Variants in NR4A3 observed in about 807,000 individuals in gnomAD.
The protein encoded by NR4A3 is chondrosarcoma, extraskeletal myxoid, fused to EWS.
A neutral mutation model predicts 55.6 loss-of-function variants in NR4A3; 13 were observed. That is an observed-to-expected ratio of 0.23 (90% CI 0.15 to 0.37). NR4A3 has a LOEUF of 0.37. Ranked by LOEUF, NR4A3 falls within the 10% of genes least tolerant of loss-of-function variation. NR4A3 has a pLI of 1.00. For synonymous variants in NR4A3, 342 were observed against 357.9 expected, an observed-to-expected ratio of 0.96 and a Z score of 0.50; for missense variants, 646 against 822.8, an observed-to-expected ratio of 0.79 and a Z score of 2.63.
Position 99,863,952 on chromosome 9 carries a change from T to G in NR4A3, c.*85T>G, listed in dbSNP as rs1312013686. Reference sequence around the variant, plus strand: ...AGGGATAGGTTTGGAAACCTATCATTTCCTGTCCTTCCTTAAGAGGAAAAG... The same window carrying G: ...AGGGATAGGTTTGGAAACCTATCATGTCCTGTCCTTCCTTAAGAGGAAAAG... On this transcript the variant is annotated 3_prime_UTR_variant, in exon 8 of 8. Coordinates refer to ENST00000395097, the MANE Select transcript of NR4A3 (RefSeq NM_006981.4). The G allele has an allele frequency of 7.0e-7, 1 of 1,432,130 alleles. No individual in the cohort carries two copies. Among genetic ancestry groups the G allele is most frequent in the Admixed American group, 2.2e-5 (1 of 44,528 alleles). The allele number at this position is 1,432,130 out of a possible 1,614,324, so 88.7% of individuals were successfully genotyped here.
chr9:99,842,649 G>C lies in NR4A3; in HGVS notation c.1255-2000G>C, dbSNP rs535323547. Reference sequence around the variant, plus strand: ...GGGAGGCTGAGGCACGGAATCGCTTGAACCCAGGAGGTGGAGGTTTCAGTG... The same window carrying C: ...GGGAGGCTGAGGCACGGAATCGCTTCAACCCAGGAGGTGGAGGTTTCAGTG... On this transcript the variant is annotated intron_variant, in intron 5 of 7. Transcript: ENST00000395097. 1.8e-3 allele frequency among the ~76,000 whole-genome samples: 267 copies of C among 152,080 alleles called. 1 individual carries two copies. Among genetic ancestry groups the C allele is most frequent in the Non-Finnish European group, 3.1e-3 (208 of 67,994 alleles).
chr9:99,858,507 C>T (rs1488004085), intron 7 of NR4A3, among the ~76,000 whole-genome samples: 1 of 152,224 alleles, frequency 6.6e-6, no homozygotes, highest in African/African-American at 2.4e-5. Flanking sequence ...GTGGTTATAA[C>T]ATCGCTTGCC....
In NR4A3 at chr9:99,822,745, TCGG is replaced by T. The variant is rs538379255; in HGVS notation, c.-177+358_-177+360del. ...TCTAGTTGTCATGGTAATGATGCTC[TCGG>T]CGGCGGCGGCGGCGGCGGCAGCGGC... is the stretch of plus-strand genomic sequence containing the variant. On this transcript the variant is annotated intron_variant, in intron 1 of 7. Coordinates refer to ENST00000395097, the MANE Select transcript of NR4A3 (RefSeq NM_006981.4). The surrounding 1 kb of genome is among the most constrained non-coding windows in gnomAD (Gnocchi z 4.9). Among the ~76,000 whole-genome samples, 3 of 152,080 alleles carry T rather than the reference TCGG, an allele frequency of 2.0e-5. No homozygotes were observed. Among genetic ancestry groups the T allele is most frequent in the African/African-American group, 7.2e-5 (3 of 41,494 alleles).
At chr9:99,836,729 A>C (rs1256878206) in intron 5 of NR4A3, among the ~76,000 whole-genome samples, 2 of 152,252 alleles carry the variant, frequency 1.3e-5, no homozygotes, top group African/African-American at 4.8e-5. Context: ...GTGTGAGTTC[A>C]TCAACACAGG....
At chr9:99,846,086 A>T (rs1374973866) in intron 6 of NR4A3, among the ~76,000 whole-genome samples, 1 of 152,228 alleles carries the variant, frequency 6.6e-6, no homozygotes, top group African/African-American at 2.4e-5. Context: ...TGCTCAGTAG[A>T]CACTTGGCTG....
At chr9:99,856,092 G>A (rs186530964) in intron 7 of NR4A3, among the ~76,000 whole-genome samples, 172 of 152,198 alleles carry the variant, frequency 1.1e-3, no homozygotes, top group Middle Eastern at 6.8e-3. Flanking sequence ...GACTGGGGTC[G>A]GAGGAATGGT....
chr9:99,827,891 T>G lies in NR4A3; in HGVS notation c.-2-150T>G, dbSNP rs1206833141. 9.9e-6 allele frequency: 10 copies of G among 1,011,022 alleles called. No individual in the cohort carries two copies. In the East Asian group the frequency reaches 1.8e-4, roughly 18 times the overall value. 62.6% of individuals were successfully genotyped at this position (1,011,022 alleles called of 1,614,324 possible). A position where few individuals can be genotyped will look rare whatever the true frequency, so the allele number is the denominator to read the frequency against. ...TTACTAGGGATGAAGAAAATAAGTG[T>G]GGGGCTTTGTGTCTATGCTACCAGA... On this transcript the variant is annotated intron_variant, in intron 2 of 7. Transcript: ENST00000395097.
At position 99,844,661 on chromosome 9, in the gene NR4A3, G is replaced by A. The variant is rs1194400512; in HGVS notation, c.1267G>A (p.Asp423Asn). 1.5e-5 allele frequency: 25 copies of A among 1,614,194 alleles called. No individual in the cohort carries two copies. Among genetic ancestry groups the A allele is most frequent in the Non-Finnish European group, 2.0e-5 (24 of 1,180,032 alleles). ...GTTTGCATTCTAGTACTGTCCCACT[G>A]ACCAGGCTGCTGCAGGCACAGATGC... ...DLDYSRYCPT[D>N]QAAAGTDAEH... Residue 423 changes from aspartate to asparagine, a missense_variant, in exon 6 of 8, where the codon GAC becomes AAC. Physicochemically the swap from Asp to Asn is conservative, Grantham distance 23 (BLOSUM62 1). Transcript: ENST00000395097.
At chr9:99,834,948 A>G in intron 5 of NR4A3, 2 of 984,598 alleles carry the variant, frequency 2.0e-6, no homozygotes, top group Non-Finnish European at 2.4e-6. Context: ...TTAACAGTTT[A>G]GGCTTCTTTG....
At chr9:99,861,397 G>T (rs544970050) in intron 7 of NR4A3, among the ~76,000 whole-genome samples, 1 of 152,290 alleles carries the variant, frequency 6.6e-6, no homozygotes, top group East Asian at 1.9e-4. Flanking sequence ...GCACACACTT[G>T]TAATCCCAGC....
At chr9:99,848,383 C>T (rs968147820) in intron 7 of NR4A3, among the ~76,000 whole-genome samples, 4 of 152,060 alleles carry the variant, frequency 2.6e-5, no homozygotes, top group African/African-American at 7.2e-5. Flanking sequence ...CTCACTCTGT[C>T]GCCCAGGCTG....
chr9:99,861,810 G>A (rs896663016), intron 7 of NR4A3, among the ~76,000 whole-genome samples: 6 of 152,122 alleles, frequency 3.9e-5, no homozygotes, highest in African/African-American at 1.4e-4. Flanking sequence ...TTAATTTAGA[G>A]CCAGGCACGG....
intron 1 of NR4A3, among the ~76,000 whole-genome samples, chr9:99,823,075 T>C (rs1288043474): frequency 6.6e-6 from 1 of 152,206 alleles, no homozygotes. Flanking sequence ...GGTTTACACT[T>C]TTCCCTTAGG....
At position 99,866,413 on chromosome 9, in the gene NR4A3, A is replaced by T. The variant is rs951622589; in HGVS notation, c.*2546A>T. 1.8e-5 allele frequency: 4 copies of T among 224,564 alleles called. No individual in the cohort carries two copies. The highest frequency in any genetic ancestry group is 2.7e-3 in the Middle Eastern group (2 of 738). 13.9% of individuals were successfully genotyped at this position (224,564 alleles called of 1,614,324 possible). ...AAGGAAAAGACTTTTTAGCCATTAT[A>T]ATCTAGTGGTTGGAAGGAATGAAGA... On this transcript the variant is annotated 3_prime_UTR_variant, in exon 8 of 8. Coordinates refer to ENST00000395097, the MANE Select transcript of NR4A3 (RefSeq NM_006981.4).
At chr9:99,829,054 G>A in intron 3 of NR4A3, 61 bp downstream of exon 3, 2 of 1,295,852 alleles carry the variant, frequency 1.5e-6, no homozygotes, top group Non-Finnish European at 9.8e-7. Context: ...GAGCTTCTAA[G>A]TGAGTGTAGG....
intron 7 of NR4A3, among the ~76,000 whole-genome samples, chr9:99,862,582 A>AAAAAAG (rs1564041242): frequency 3.2e-4 from 37 of 116,142 alleles, no homozygotes; most frequent in African/African-American, 5.8e-4. Context: ...AAAAAAAAAA[A>AAAAAAG]AGAGAGAGAA....
intron 3 of NR4A3, among the ~76,000 whole-genome samples, chr9:99,831,004 C>A (rs1827429081): frequency 6.6e-6 from 1 of 152,196 alleles, no homozygotes; most frequent in African/African-American, 2.4e-5. Context: ...CCCCACAGAA[C>A]TGTTAATTAA....
rs957632684 is a variant in NR4A3, at chr9:99,864,982, A to T, written c.*1115A>T. The T allele has an allele frequency of 3.2e-5, 6 of 189,782 alleles. No individual in the cohort carries two copies. The highest frequency in any genetic ancestry group is 5.4e-5 in the Non-Finnish European group (5 of 92,524). The allele number at this position is 189,782 out of a possible 1,614,324, so 11.8% of individuals were successfully genotyped here. A position where few individuals can be genotyped will look rare whatever the true frequency, so the allele number is the denominator to read the frequency against. On this transcript the variant is annotated 3_prime_UTR_variant, in exon 8 of 8. Transcript: ENST00000395097. Reference sequence around the variant, plus strand: ...TTTTGGAGAGCAAGCAAATCTTTTTAAAAAATAGTATGAATGTGAATACTA... The same window carrying T: ...TTTTGGAGAGCAAGCAAATCTTTTTTAAAAATAGTATGAATGTGAATACTA...
chr9:99,830,626 C>T (rs931420517), intron 3 of NR4A3, among the ~76,000 whole-genome samples: 17 of 152,136 alleles, frequency 1.1e-4, no homozygotes, highest in African/African-American at 4.1e-4. Context: ...GAATCTTGGT[C>T]ATTTTATTTT....
Sources: allele counts gnomAD v4.1 joint callset (sites outside exome capture counted in the v4.1 genomes callset), GRCh38; gene constraint gnomAD v4.1.1; non-coding constraint Gnocchi (gnomAD v3.1); transcripts MANE v1.5; gene names NCBI Gene and HGNC (gene_info 2026-07-23, HGNC 2026-07-21).